SMAD1: variants seen among roughly 807,000 people sequenced by gnomAD.
SMAD1 encodes SMAD family member 1.
In SMAD1, 6 loss-of-function variants were observed where a neutral mutation model predicts 41.6. That is an observed-to-expected ratio of 0.14 (90% CI 0.08 to 0.28). The LOEUF is 0.28. Ranked by LOEUF, SMAD1 falls within the 10% of genes least tolerant of loss-of-function variation. SMAD1 has a pLI of 1.00. For missense variants in SMAD1, 379 were observed against 582.6 expected, an observed-to-expected ratio of 0.65 and a Z score of 3.60; for synonymous variants, 206 against 203.2, an observed-to-expected ratio of 1.01 and a Z score of -0.12.
intron 1 of SMAD1, among the ~76,000 whole-genome samples, chr4:145,506,702 T>C (rs62343494): frequency 3.3e-5 from 5 of 152,116 alleles, no homozygotes; most frequent in Non-Finnish European, 7.4e-5. Context: ...AAAAAAACTT[T>C]CTGTGGGAAT....
intron 1 of SMAD1, among the ~76,000 whole-genome samples, chr4:145,508,262 C>T (rs1729896715): frequency 6.6e-6 from 1 of 152,064 alleles, no homozygotes; most frequent in Non-Finnish European, 1.5e-5. Flanking sequence ...GTATCATCAT[C>T]TCCAGCGGAT....
intron 1 of SMAD1, among the ~76,000 whole-genome samples, chr4:145,487,132 A>C (rs983955909): frequency 1.3e-5 from 2 of 152,180 alleles, no homozygotes; most frequent in Non-Finnish European, 2.9e-5. Flanking sequence ...ATCTAATTTA[A>C]TCAATGAGAC....
At chr4:145,531,205 C>T (rs939009125) in intron 2 of SMAD1, among the ~76,000 whole-genome samples, 2 of 152,150 alleles carry the variant, frequency 1.3e-5, no homozygotes, top group African/African-American at 2.4e-5. Flanking sequence ...CGTAAAGTTT[C>T]CCTGACATAT....
At chr4:145,510,331 C>T (rs1306448943) in intron 1 of SMAD1, among the ~76,000 whole-genome samples, 1 of 151,930 alleles carries the variant, frequency 6.6e-6, no homozygotes, top group Non-Finnish European at 1.5e-5. Context: ...TTTAAAAAAT[C>T]TTTGGCGGGT....
At chr4:145,505,415 G>A (rs568631528) in intron 1 of SMAD1, among the ~76,000 whole-genome samples, 22 of 152,082 alleles carry the variant, frequency 1.4e-4, no homozygotes, top group African/African-American at 4.6e-4. Flanking sequence ...CATCTAATGA[G>A]GTGTATTGTG....
At chr4:145,528,428 C>T (rs1446891715) in intron 2 of SMAD1, among the ~76,000 whole-genome samples, 4 of 151,754 alleles carry the variant, frequency 2.6e-5, no homozygotes, top group East Asian at 1.9e-4. Context: ...TTAGTAGAGA[C>T]GGGGGGTTTC....
chr4:145,553,072 T>C (rs1193447619), intron 5 of SMAD1, among the ~76,000 whole-genome samples: 1 of 123,368 alleles, frequency 8.1e-6, no homozygotes, highest in African/African-American at 3.4e-5. Context: ...CCTGGCTAAT[T>C]TTTTGTATTT....
chr4:145,492,578 T>A (rs1446448167), intron 1 of SMAD1, among the ~76,000 whole-genome samples: 1 of 152,202 alleles, frequency 6.6e-6, no homozygotes, highest in Non-Finnish European at 1.5e-5. Flanking sequence ...CCTTGTCCTC[T>A]TGGTTTTTTA....
chr4:145,484,540 G>C (rs573356107), intron 1 of SMAD1: 1 of 152,388 alleles, frequency 6.6e-6, no homozygotes, highest in Admixed American at 6.5e-5. Context: ...TGGTACATGG[G>C]TTTTGTTTAT....
chr4:145,545,572 G>GTT (rs1479009273), intron 4 of SMAD1: 1 of 151,300 alleles, frequency 6.6e-6, no homozygotes, highest in African/African-American at 2.4e-5. Context: ...GTGTGTGTGT[G>GTT]TGTGTGTTTG....
intron 4 of SMAD1, among the ~76,000 whole-genome samples, chr4:145,543,598 AG>A (rs1732072838): frequency 6.6e-6 from 1 of 152,220 alleles, no homozygotes; most frequent in South Asian, 2.1e-4. Context: ...CCTTTAGTAA[AG>A]GGTGGGTCTT....
At chr4:145,551,082 CTTTGT>C (rs978015974) in intron 5 of SMAD1, among the ~76,000 whole-genome samples, 18 of 152,144 alleles carry the variant, frequency 1.2e-4, no homozygotes, top group African/African-American at 3.9e-4. Flanking sequence ...GGCTAGCTAA[CTTTGT>C]AAATGGAAAA....
intron 4 of SMAD1, 88 bp downstream of exon 4, chr4:145,542,786 A>T: frequency 2.4e-6 from 2 of 835,982 alleles, no homozygotes; most frequent in Non-Finnish European, 3.9e-6. Flanking sequence ...TTAGTCTTTA[A>T]AAAGAGAGCT....
chr4:145,494,318 A>G (rs956734764), intron 1 of SMAD1, among the ~76,000 whole-genome samples: 11 of 152,154 alleles, frequency 7.2e-5, no homozygotes, highest in African/African-American at 2.7e-4. Context: ...GCTTATGTTC[A>G]TAGTGTATCT....
At chr4:145,500,948 C>G (rs1295504833) in intron 1 of SMAD1, among the ~76,000 whole-genome samples, 3 of 152,168 alleles carry the variant, frequency 2.0e-5, no homozygotes, top group African/African-American at 4.8e-5. Context: ...TGTGGAAAAG[C>G]AAATTGAGGC....
intron 3 of SMAD1, among the ~76,000 whole-genome samples, chr4:145,542,332 C>T (rs1731991480): frequency 6.6e-6 from 1 of 152,242 alleles, no homozygotes; most frequent in South Asian, 2.1e-4. Context: ...AGGCAAACAG[C>T]TTCTGGAACT....
chr4:145,506,025 G>C (rs1334603911), intron 1 of SMAD1, among the ~76,000 whole-genome samples: 1 of 151,924 alleles, frequency 6.6e-6, no homozygotes, highest in African/African-American at 2.4e-5. Flanking sequence ...TGTATTTTTA[G>C]TAGATACAGG....
chr4:145,539,994 GAGC>G lies in SMAD1; in HGVS notation c.602_604del (p.Ser201del), dbSNP rs757563919. 5 of 1,613,918 alleles carry G rather than the reference GAGC, an allele frequency of 3.1e-6. No individual in the cohort carries two copies. Among genetic ancestry groups the G allele is most frequent in the Non-Finnish European group, 4.2e-6 (5 of 1,180,010 alleles). On this transcript the variant is annotated inframe_deletion, in exon 3 of 7. Transcript: ENST00000302085. Reference sequence around the variant, plus strand: ...ATAGCAGTTACCCAAACTCTCCTGGGAGCAGCAGCAGCACCTACCCTCACTCTC... The same window carrying G: ...ATAGCAGTTACCCAAACTCTCCTGGGAGCAGCAGCACCTACCCTCACTCTC...
At chr4:145,519,481 C>T (rs1397348854) in intron 2 of SMAD1, among the ~76,000 whole-genome samples, 1 of 151,432 alleles carries the variant, frequency 6.6e-6, no homozygotes, top group Non-Finnish European at 1.5e-5. Flanking sequence ...TAGCAAGACC[C>T]CGTCTTAATT....
Sources: allele counts gnomAD v4.1 joint callset (sites outside exome capture counted in the v4.1 genomes callset), GRCh38; gene constraint gnomAD v4.1.1; transcripts MANE v1.5; gene names NCBI Gene and HGNC (gene_info 2026-07-23, HGNC 2026-07-21).